The following FHIP1A variants were observed in gnomAD, a reference collection of about 807,000 sequenced individuals.
The protein encoded by FHIP1A is FHF complex subunit HOOK-interacting protein 1A.
In FHIP1A, 61 loss-of-function variants were observed where a neutral mutation model predicts 88.6. That is an observed-to-expected ratio of 0.69 (90% confidence interval 0.56 to 0.85). FHIP1A has a LOEUF of 0.85. FHIP1A is among the 40% of genes least tolerant of loss of function. FHIP1A has a pLI of 0.00. For missense variants in FHIP1A, 1,154 were observed against 1,273.5 expected (o/e 0.91, Z 1.43); for synonymous variants, 478 against 496.0 (o/e 0.96, Z 0.48).
At chr4:151,622,926 T>C (rs1393284829) in intron 7 of FHIP1A, among the ~76,000 whole-genome samples, 3 of 152,202 alleles carry the variant, frequency 2.0e-5, no homozygotes, top group Admixed American at 1.3e-4. Flanking sequence ...TACTGCATTA[T>C]ACTCTAATAA....
intron 1 of FHIP1A, among the ~76,000 whole-genome samples, chr4:151,420,649 CCTT>C (rs1188298412): frequency 3.9e-5 from 6 of 152,212 alleles, no homozygotes; most frequent in African/African-American, 1.2e-4. Context: ...ATACATTTGT[CCTT>C]CTTCCCAATT....
chr4:151,453,202 G>T (rs1176762363), intron 1 of FHIP1A, among the ~76,000 whole-genome samples: 1 of 151,984 alleles, frequency 6.6e-6, no homozygotes, highest in Non-Finnish European at 1.5e-5. Flanking sequence ...TTTTAGTAGA[G>T]ATAGTGTTTC....
Position 151,650,584 on chromosome 4 carries a change from C to T in FHIP1A, c.2543C>T (p.Pro848Leu), listed in dbSNP as rs147024904. The T allele has an allele frequency of 3.9e-5, 61 of 1,546,236 alleles. No homozygotes were observed. The East Asian group carries it at 1.4e-3, about 37-fold the overall frequency. The change falls in exon 11 of 14, where the codon CCA (proline) becomes CTA (leucine). Residue 848 changes from proline to leucine, a missense_variant. Transcript: ENST00000435205. ...CATCCCGTGAGGACTCAAAGCACCC[C>T]ATTCACAGGTGACCATCTTAAATTG... ...SRHPVRTQST[P>L]FTGPFISVVL...
At chr4:151,453,174 T>C (rs1441625067) in intron 1 of FHIP1A, among the ~76,000 whole-genome samples, 5 of 151,684 alleles carry the variant, frequency 3.3e-5, no homozygotes, top group Admixed American at 1.3e-4. Context: ...TTCCACCATG[T>C]CTGGCTAATT....
At chr4:151,497,929 A>T (rs529071359) in intron 3 of FHIP1A, among the ~76,000 whole-genome samples, 4 of 152,324 alleles carry the variant, frequency 2.6e-5, no homozygotes, top group South Asian at 2.1e-4. Context: ...ATATCAGATC[A>T]AATTCTGCAT....
At chr4:151,443,799 T>G (rs993835232) in intron 1 of FHIP1A, among the ~76,000 whole-genome samples, 1 of 151,520 alleles carries the variant, frequency 6.6e-6, no homozygotes, top group Non-Finnish European at 1.5e-5. Context: ...CTCTGAGGTA[T>G]CAGAATTCGC....
intron 7 of FHIP1A, among the ~76,000 whole-genome samples, chr4:151,593,424 C>A (rs1199811938): frequency 4.6e-5 from 7 of 152,104 alleles, no homozygotes; most frequent in Non-Finnish European, 7.3e-5. Context: ...TTGTTTGTGT[C>A]CTCTCTTATT....
At chr4:151,611,188 A>G (rs754940943) in intron 7 of FHIP1A, among the ~76,000 whole-genome samples, 32 of 152,060 alleles carry the variant, frequency 2.1e-4, no homozygotes, top group Non-Finnish European at 4.1e-4. Context: ...GTGAGGTGGC[A>G]TGGAGTGGGA....
chr4:151,636,957 G>A (rs373508159), intron 8 of FHIP1A, among the ~76,000 whole-genome samples: 2 of 152,096 alleles, frequency 1.3e-5, no homozygotes, highest in South Asian at 4.1e-4. Flanking sequence ...GCAGTGTGGT[G>A]CAGGATAGAC....
At chr4:151,538,700 CAG>C (rs993319650) in intron 3 of FHIP1A, among the ~76,000 whole-genome samples, 1 of 152,188 alleles carries the variant, frequency 6.6e-6, no homozygotes, top group Admixed American at 6.5e-5. Context: ...ACTTTCTATA[CAG>C]AGTCAAGTTA....
intron 5 of FHIP1A, among the ~76,000 whole-genome samples, chr4:151,579,120 G>A (rs1291171557): frequency 6.6e-6 from 1 of 152,156 alleles, no homozygotes; most frequent in Non-Finnish European, 1.5e-5. Flanking sequence ...AATAAGCAAA[G>A]CACAGAGGAA....
intron 10 of FHIP1A, among the ~76,000 whole-genome samples, chr4:151,647,397 A>G (rs1305623700): frequency 6.6e-6 from 1 of 152,220 alleles, no homozygotes; most frequent in Non-Finnish European, 1.5e-5. Context: ...GGCTGTTTCA[A>G]TTCAGGAACA....
chr4:151,414,921 A>G (rs1400778863), intron 1 of FHIP1A, among the ~76,000 whole-genome samples: 1 of 152,198 alleles, frequency 6.6e-6, no homozygotes, highest in Non-Finnish European at 1.5e-5. Context: ...TAAAAGTTAA[A>G]GTACACTGCA....
At position 151,466,718 on chromosome 4, in the gene FHIP1A, C is replaced by T. The variant is rs368681455; in HGVS notation, c.-248+11910C>T. ...TGATCTTTGACAAACCTGACTAAAA[C>T]AAGCAATGGGGAAAAGATCCCCTAC... On this transcript the variant is annotated intron_variant, in intron 2 of 13. Coordinates refer to ENST00000435205, the MANE Select transcript of FHIP1A (RefSeq NM_001109977.3). Among the ~76,000 whole-genome samples, 25 of 152,286 alleles carry T rather than the reference C, an allele frequency of 1.6e-4. No homozygotes were observed. The South Asian group carries it at 3.1e-3, about 19-fold the overall frequency.
intron 7 of FHIP1A, among the ~76,000 whole-genome samples, chr4:151,591,794 G>C (rs1734440357): frequency 6.6e-6 from 1 of 152,078 alleles, no homozygotes; most frequent in Non-Finnish European, 1.5e-5. Flanking sequence ...CTTTTTTATG[G>C]CTGCATATTC....
intron 3 of FHIP1A, among the ~76,000 whole-genome samples, chr4:151,517,937 A>C (rs2126689435): frequency 6.6e-6 from 1 of 152,356 alleles, no homozygotes; most frequent in Middle Eastern, 3.4e-3. Context: ...AAAATTAAAA[A>C]GTTTATACAG....
intron 3 of FHIP1A, among the ~76,000 whole-genome samples, chr4:151,494,409 T>C (rs1226796299): frequency 1.3e-5 from 2 of 152,182 alleles, no homozygotes; most frequent in Admixed American, 6.5e-5. Flanking sequence ...GTTATGCCAG[T>C]ACCATTTATT....
At chr4:151,455,868 TG>T (rs1728948742) in intron 2 of FHIP1A, among the ~76,000 whole-genome samples, 1 of 152,222 alleles carries the variant, frequency 6.6e-6, no homozygotes, top group South Asian at 2.1e-4. Context: ...TTAAACTCTG[TG>T]GAAGTATATA....
intron 13 of FHIP1A, 102 bp from the exon 14 acceptor site, chr4:151,662,399 A>C: frequency 1.3e-5 from 16 of 1,270,130 alleles, no homozygotes; most frequent in Non-Finnish European, 1.5e-5. Flanking sequence ...ACTCATAACT[A>C]GATACTCTCC....
Sources: allele counts gnomAD v4.1 joint callset (sites outside exome capture counted in the v4.1 genomes callset), GRCh38; gene constraint gnomAD v4.1.1; transcripts MANE v1.5; gene names NCBI Gene and HGNC (gene_info 2026-07-23, HGNC 2026-07-21).